BTBD8: variants seen among roughly 807,000 people sequenced by gnomAD.
The protein encoded by BTBD8 is BTB domain containing 8.
A neutral mutation model predicts 162.9 loss-of-function variants in BTBD8; 110 were observed. The observed-to-expected ratio is 0.68, with a 90% CI of 0.58 to 0.79. The LOEUF (loss-of-function observed/expected upper bound fraction) is 0.79. BTBD8 is among the 30% of genes least tolerant of loss of function. The pLI, the probability that BTBD8 is intolerant of heterozygous loss-of-function variation, is 0.00. For missense variants in BTBD8, 1,905 were observed against 2,085.4 expected (o/e 0.91, Z 1.68); for synonymous variants, 667 against 716.1 (o/e 0.93, Z 1.10).
intron 4 of BTBD8, among the ~76,000 whole-genome samples, chr1:92,127,454 G>A (rs1288477370): frequency 6.6e-6 from 1 of 152,222 alleles, no homozygotes; most frequent in Non-Finnish European, 1.5e-5. Flanking sequence ...TAACAGAAAT[G>A]GAGGTGATAT....
At chr1:92,117,524 G>A (rs1649075353) in intron 4 of BTBD8, among the ~76,000 whole-genome samples, 2 of 151,786 alleles carry the variant, frequency 1.3e-5, no homozygotes, top group African/African-American at 4.9e-5. Context: ...TTCAGTTCTG[G>A]CCGGAAGGAA....
intron 4 of BTBD8, among the ~76,000 whole-genome samples, chr1:92,120,398 G>C (rs569216739): frequency 6.6e-6 from 1 of 151,966 alleles, no homozygotes; most frequent in Non-Finnish European, 1.5e-5. Flanking sequence ...CCTTCTTCTG[G>C]AATACCTCCT....
At chr1:92,116,188 G>A (rs1367165883) in intron 4 of BTBD8, among the ~76,000 whole-genome samples, 1 of 151,910 alleles carries the variant, frequency 6.6e-6, no homozygotes, top group Non-Finnish European at 1.5e-5. Flanking sequence ...TAATTCCATG[G>A]TGGTCATAGA....
At chr1:92,122,470 G>T (rs917257936) in intron 4 of BTBD8, among the ~76,000 whole-genome samples, 1 of 152,098 alleles carries the variant, frequency 6.6e-6, no homozygotes, top group Non-Finnish European at 1.5e-5. Flanking sequence ...TGTTGGCCAG[G>T]ATGGTCTTGA....
intron 9 of BTBD8, among the ~76,000 whole-genome samples, chr1:92,157,186 G>T (rs1198252447): frequency 6.6e-6 from 1 of 151,816 alleles, no homozygotes; most frequent in Non-Finnish European, 1.5e-5. Flanking sequence ...TGACCCATTG[G>T]TTGTTCAAAA....
intron 4 of BTBD8, chr1:92,114,833 C>T (rs1648991005): frequency 2.4e-5 from 8 of 334,112 alleles, no homozygotes; most frequent in Non-Finnish European, 4.6e-5. Context: ...GACCATGAAA[C>T]CCACCACCCT....
chr1:92,145,911 G>A (rs1328270834), intron 7 of BTBD8, among the ~76,000 whole-genome samples: 2 of 152,012 alleles, frequency 1.3e-5, no homozygotes, highest in Non-Finnish European at 2.9e-5. Context: ...AACCCAGGAG[G>A]CGGAGATTGC....
Position 92,167,104 on chromosome 1 carries a change from G to C in BTBD8, c.1269G>C (p.Lys423Asn), listed in dbSNP as rs555598218. 1 of 1,550,534 alleles carries C rather than the reference G, an allele frequency of 6.4e-7. No individual in the cohort carries two copies. The highest frequency in any genetic ancestry group is 1.4e-5 in the African/African-American group (1 of 73,160). The change falls in exon 10 of 18, where the codon AAG becomes AAC. Residue 423 changes from lysine to asparagine, a missense_variant. Lys to Asn is a moderately conservative substitution (Grantham distance 94). Coordinates refer to ENST00000636805, the MANE Select transcript of BTBD8 (RefSeq NM_001376131.1). ...CATTTATTGTAGACAACTTCTCCAAGATTATTCAGAGTGAAAATTTTGCTC... is the reference window on the plus strand; with the variant it reads ...CATTTATTGTAGACAACTTCTCCAACATTATTCAGAGTGAAAATTTTGCTC... ...CIAFIVDNFSKIIQSENFALL... is the reference protein window; with the variant it reads ...CIAFIVDNFSNIIQSENFALL...
At chr1:92,139,712 A>G (rs1286982246) in intron 6 of BTBD8, 2 of 416,642 alleles carry the variant, frequency 4.8e-6, no homozygotes, top group African/African-American at 4.2e-5. Flanking sequence ...AATTGATTAA[A>G]CTTTTATCAA....
intron 12 of BTBD8, among the ~76,000 whole-genome samples, chr1:92,171,139 T>C (rs1261889767): frequency 6.6e-6 from 1 of 152,058 alleles, no homozygotes; most frequent in African/African-American, 2.4e-5. Flanking sequence ...ATGAATCTTC[T>C]CTGTGAGATT....
intron 13 of BTBD8, among the ~76,000 whole-genome samples, chr1:92,172,163 G>C (rs1223375522): frequency 6.6e-6 from 1 of 152,142 alleles, no homozygotes; most frequent in African/African-American, 2.4e-5. Context: ...AGTACTAAGA[G>C]TACAACTGTG....
intron 2 of BTBD8, among the ~76,000 whole-genome samples, chr1:92,098,721 T>G (rs182580684): frequency 3.2e-4 from 49 of 152,330 alleles, no homozygotes; most frequent in Non-Finnish European, 5.3e-4. Flanking sequence ...TCAGTTATTT[T>G]TACATATTCT....
intron 10 of BTBD8, 102 bp downstream of exon 10, chr1:92,167,242 G>T: frequency 7.3e-7 from 1 of 1,362,970 alleles, no homozygotes; most frequent in Non-Finnish European, 1.0e-6. Flanking sequence ...TTAAATTAAT[G>T]TGATTTAAAT....
At chr1:92,139,572 T>G in intron 6 of BTBD8, 142 bp downstream of exon 6, 1 of 1,301,974 alleles carries the variant, frequency 7.7e-7, no homozygotes, top group Non-Finnish European at 9.8e-7. Context: ...TGAGAACATC[T>G]AAAAACAATA....
At chr1:92,137,648 A>G (rs1239733692) in intron 5 of BTBD8, among the ~76,000 whole-genome samples, 1 of 152,220 alleles carries the variant, frequency 6.6e-6, no homozygotes, top group Non-Finnish European at 1.5e-5. Context: ...TTTATTACAG[A>G]TAAAAACTGT....
At chr1:92,133,141 A>G (rs909403819) in intron 5 of BTBD8, among the ~76,000 whole-genome samples, 6 of 152,194 alleles carry the variant, frequency 3.9e-5, no homozygotes, top group African/African-American at 9.6e-5. Context: ...TTTCCCATTA[A>G]CTTACATTGT....
intron 2 of BTBD8, among the ~76,000 whole-genome samples, chr1:92,091,579 G>C (rs1198787717): frequency 6.6e-6 from 1 of 151,838 alleles, no homozygotes; most frequent in African/African-American, 2.4e-5. Context: ...CTGTCGCCCA[G>C]GGTGGAGTGC....
intron 1 of BTBD8, among the ~76,000 whole-genome samples, chr1:92,085,274 T>C (rs901426796): frequency 6.6e-6 from 1 of 152,244 alleles, no homozygotes; most frequent in African/African-American, 2.4e-5. Flanking sequence ...TTTGAATGTT[T>C]GTCCTCTCAA....
In BTBD8 at chr1:92,184,304, A is replaced by C; in HGVS notation, c.5353A>C (p.Ile1785Leu). The C allele has an allele frequency of 6.5e-7, 1 of 1,549,480 alleles. No individual in the cohort carries two copies. Among genetic ancestry groups the C allele is most frequent in the African/African-American group, 1.4e-5 (1 of 73,106 alleles). The part of the protein sequence containing the change: ...EDCSPQGEWT[I>L]LELETQH Reference sequence around the variant, plus strand: ...TTGTTCGCCTCAAGGCGAGTGGACAATTCTGGAACTGGAAACTCAGCATTA... The same window carrying C: ...TTGTTCGCCTCAAGGCGAGTGGACACTTCTGGAACTGGAAACTCAGCATTA... The change falls in exon 18 of 18, where the codon ATT becomes CTT. Residue 1785 changes from isoleucine (I) to leucine (L), a missense_variant. Around this residue, in one of 3 missense-constraint regions of BTBD8, gnomAD observed 517 missense variants for 606.6 expected, o/e 0.85. Transcript: ENST00000636805.
Sources: gnomAD v4.1 joint callset for allele counts (sites outside exome capture counted in the v4.1 genomes callset) on GRCh38, gnomAD v4.1.1 for gene constraint, gnomAD v4.1.1 regional missense constraint, MANE v1.5 for transcripts, NCBI Gene and HGNC (gene_info 2026-07-23, HGNC 2026-07-21) for gene names.